Variants in HEATR5A observed in about 807,000 individuals in gnomAD.
The protein encoded by HEATR5A is HEAT repeat-containing protein 5A.
In HEATR5A, 178 loss-of-function variants were observed where a neutral mutation model predicts 218.8. The observed-to-expected ratio is 0.81, with a 90% CI of 0.72 to 0.92. The LOEUF (loss-of-function observed/expected upper bound fraction) is 0.92. Ranked by LOEUF, HEATR5A falls within the 40% of genes least tolerant of loss-of-function variation. The pLI, the probability that HEATR5A is intolerant of heterozygous loss-of-function variation, is 0.00. For synonymous variants in HEATR5A, 864 were observed against 871.6 expected (o/e 0.99, Z 0.15); for missense variants, 2,420 against 2,418.9 (o/e 1.00, Z -0.01).
chr14:31,327,230 C>T (rs928276854), intron 22 of HEATR5A, among the ~76,000 whole-genome samples: 46 of 151,476 alleles, frequency 3.0e-4, no homozygotes, highest in Non-Finnish European at 4.3e-4. Context: ...CCACCTTAAC[C>T]TCCCAAAGTG....
At chr14:31,320,667 C>T (rs575235966) in intron 25 of HEATR5A, 2 of 559,470 alleles carry the variant, frequency 3.6e-6, no homozygotes, top group East Asian at 3.5e-5. Flanking sequence ...CCCTTGGTCT[C>T]AGCACTCAGC....
intron 13 of HEATR5A, among the ~76,000 whole-genome samples, chr14:31,366,502 C>T (rs1037328749): frequency 6.6e-6 from 1 of 152,022 alleles, no homozygotes; most frequent in Non-Finnish European, 1.5e-5. Flanking sequence ...AGTGTATGTA[C>T]ATTTTTTAAA....
intron 22 of HEATR5A, among the ~76,000 whole-genome samples, chr14:31,327,160 A>G (rs1030970157): frequency 2.0e-4 from 31 of 151,864 alleles, no homozygotes; most frequent in African/African-American, 7.0e-4. Flanking sequence ...TTTTTAGTAG[A>G]GACGGGGTTT....
chr14:31,356,937 G>C (rs1268157296), intron 16 of HEATR5A, among the ~76,000 whole-genome samples: 1 of 152,032 alleles, frequency 6.6e-6, no homozygotes, highest in African/African-American at 2.4e-5. Context: ...TGCTTAAAAG[G>C]CCAGCCCTGT....
intron 22 of HEATR5A, among the ~76,000 whole-genome samples, chr14:31,336,869 G>A (rs1158295150): frequency 5.9e-5 from 9 of 152,160 alleles, no homozygotes; most frequent in Non-Finnish European, 7.3e-5. Context: ...CAATTTCATT[G>A]TCATGTGAAC....
At chr14:31,326,394 T>C in intron 22 of HEATR5A, 52 bp from the exon 23 acceptor site, 1 of 1,290,730 alleles carries the variant, frequency 7.7e-7, no homozygotes, top group Non-Finnish European at 1.1e-6. Flanking sequence ...AAAACTACCA[T>C]ATCAGAAGCT....
chr14:31,296,443 A>G (rs1899188932), intron 33 of HEATR5A: 1 of 175,194 alleles, frequency 5.7e-6, no homozygotes, highest in Non-Finnish European at 1.2e-5. Context: ...ATCCATGTGA[A>G]GCATTTAGAA....
intron 25 of HEATR5A, among the ~76,000 whole-genome samples, chr14:31,319,991 G>A (rs964958505): frequency 1.2e-4 from 19 of 152,092 alleles, no homozygotes; most frequent in African/African-American, 4.1e-4. Context: ...GGGCAACAGG[G>A]TAAGACCTTG....
intron 6 of HEATR5A, among the ~76,000 whole-genome samples, chr14:31,391,081 A>G (rs929086634): frequency 2.0e-5 from 3 of 152,198 alleles, no homozygotes; most frequent in African/African-American, 7.2e-5. Flanking sequence ...TTTAATAGAA[A>G]AAAGCTTATA....
At chr14:31,393,346 C>G (rs987522336) in intron 6 of HEATR5A, among the ~76,000 whole-genome samples, 1 of 152,058 alleles carries the variant, frequency 6.6e-6, no homozygotes, top group Non-Finnish European at 1.5e-5. Context: ...CCCATCTCCA[C>G]AAAAAATATA....
At chr14:31,306,962 C>T (rs1899574316) in intron 30 of HEATR5A, 83 bp from the exon 31 acceptor site, 8 of 1,138,348 alleles carry the variant, frequency 7.0e-6, no homozygotes, top group Non-Finnish European at 9.7e-6. Context: ...AATGCCATGA[C>T]AAAATTCAGA....
chr14:31,298,414 TTG>T (rs1308982076), intron 33 of HEATR5A, among the ~76,000 whole-genome samples: 1 of 152,158 alleles, frequency 6.6e-6, no homozygotes, highest in Non-Finnish European at 1.5e-5. Context: ...ACCCATTTTT[TTG>T]TGTGTGAGAT....
At chr14:31,395,382 TA>T (rs1301510741) in intron 4 of HEATR5A, 34 bp from the exon 5 acceptor site, 1 of 1,223,690 alleles carries the variant, frequency 8.2e-7, no homozygotes, top group African/African-American at 1.5e-5. Context: ...ATAGGAAAAA[TA>T]ATTAAACTGC....
At chr14:31,321,352 C>A (rs745338115) in intron 25 of HEATR5A, 147 bp downstream of exon 25, 6 of 519,514 alleles carry the variant, frequency 1.2e-5, no homozygotes, top group Non-Finnish European at 2.0e-5. Flanking sequence ...CGTCATGCTG[C>A]CCGGTCTTGA....
Position 31,374,870 on chromosome 14 carries a change from C to T in HEATR5A, c.1807G>A (p.Gly603Arg), listed in dbSNP as rs1412487161. 4 of 1,613,680 alleles carry T rather than the reference C, an allele frequency of 2.5e-6. No individual in the cohort carries two copies. The highest frequency in any genetic ancestry group is 1.3e-5 in the African/African-American group (1 of 74,906). Residue 603 changes from glycine (G) to arginine (R), a missense_variant, in exon 12 of 36, where the codon GGA becomes AGA. Coordinates refer to ENST00000543095, the MANE Select transcript of HEATR5A (RefSeq NM_015473.4). ...PKDLETEKSR[G>R]DSFTWQVTLE... ...GTCACCTGCCATGTAAACGAATCTC[C>T]TCGGCTCTTTTCTGTTTCTAGATCT... is the stretch of plus-strand genomic sequence containing the variant.
At chr14:31,383,391 G>T (rs2139276610) in intron 10 of HEATR5A, 130 bp downstream of exon 10, 1 of 812,216 alleles carries the variant, frequency 1.2e-6, no homozygotes, top group Non-Finnish European at 1.9e-6. Context: ...AAATAAAATT[G>T]TAAATGTACT....
intron 6 of HEATR5A, among the ~76,000 whole-genome samples, chr14:31,391,170 A>G (rs2030439004): frequency 6.6e-6 from 1 of 152,172 alleles, no homozygotes; most frequent in African/African-American, 2.4e-5. Flanking sequence ...AAATGTTACT[A>G]TTATTTCTAG....
chr14:31,386,475 A>G lies in HEATR5A; in HGVS notation c.1290T>C (p.Asn430=). 1.3e-5 allele frequency: 21 copies of G among 1,613,832 alleles called. No individual in the cohort carries two copies. Among genetic ancestry groups the G allele is most frequent in the Non-Finnish European group, 1.8e-5 (21 of 1,179,810 alleles). ...MLVCALQELG[N]LIHNLGTTAA... is the part of the protein sequence containing the mutation. Reference sequence around the variant, plus strand: ...CTGTGGTGCCAAGATTGTGTATGAGATTTCCAAGTTCTTGTAAAGCACAAA... The same window carrying G: ...CTGTGGTGCCAAGATTGTGTATGAGGTTTCCAAGTTCTTGTAAAGCACAAA... Residue 430 remains asparagine, a synonymous_variant, in exon 9 of 36, where the codon AAT becomes AAC. Coordinates refer to ENST00000543095, the MANE Select transcript of HEATR5A (RefSeq NM_015473.4).
chr14:31,398,548 A>G, intron 4 of HEATR5A, 125 bp downstream of exon 4: 1 of 559,612 alleles, frequency 1.8e-6, no homozygotes, highest in Non-Finnish European at 3.1e-6. Context: ...ATATTAATTT[A>G]TGGGTACATT....
Sources: gnomAD v4.1 joint callset for allele counts (sites outside exome capture counted in the v4.1 genomes callset) on GRCh38, gnomAD v4.1.1 for gene constraint, MANE v1.5 for transcripts, NCBI Gene and HGNC (gene_info 2026-07-23, HGNC 2026-07-21) for gene names.